NKAIN2: variants seen among roughly 807,000 people sequenced by gnomAD.
NKAIN2 encodes the protein sodium/potassium-transporting ATPase subunit beta-1-interacting protein 2.
A neutral mutation model predicts 32.6 loss-of-function variants in NKAIN2; 14 were observed. The observed-to-expected ratio is 0.43, with a 90% CI of 0.28 to 0.67. NKAIN2 has a LOEUF of 0.67. NKAIN2 is among the 30% of genes least tolerant of loss of function. The probability of loss-of-function intolerance (pLI) is 0.17; values close to 1 mark genes in which losing one functional copy is unlikely to be tolerated. For missense variants in NKAIN2, 198 were observed against 258.3 expected, an observed-to-expected ratio of 0.77 and a Z score of 1.60; for synonymous variants, 80 against 87.2, an observed-to-expected ratio of 0.92 and a Z score of 0.46.
intron 1 of NKAIN2, among the ~76,000 whole-genome samples, chr6:123,826,387 C>A (rs1227036911): frequency 6.6e-6 from 1 of 152,034 alleles, no homozygotes; most frequent in Non-Finnish European, 1.5e-5. Flanking sequence ...ACTATTTTAA[C>A]CATTTTTAAA....
intron 3 of NKAIN2, among the ~76,000 whole-genome samples, chr6:124,409,987 G>T (rs540261972): frequency 3.3e-4 from 51 of 152,272 alleles, no homozygotes; most frequent in African/African-American, 1.2e-3. Context: ...GCATAGAGGT[G>T]TTTATAGTAT....
chr6:124,499,626 C>G (rs918441751), intron 3 of NKAIN2, among the ~76,000 whole-genome samples: 3 of 152,124 alleles, frequency 2.0e-5, no homozygotes, highest in African/African-American at 7.2e-5. Flanking sequence ...TGCATTTTCA[C>G]AAGACTTTGA....
At chr6:124,247,712 T>A (rs908080549) in intron 1 of NKAIN2, among the ~76,000 whole-genome samples, 1 of 152,148 alleles carries the variant, frequency 6.6e-6, no homozygotes, top group African/African-American at 2.4e-5. Context: ...ACATAGAATA[T>A]AAAATTTACA....
At chr6:124,024,493 CAA>C (rs1781014972) in intron 1 of NKAIN2, among the ~76,000 whole-genome samples, 1 of 152,012 alleles carries the variant, frequency 6.6e-6, no homozygotes, top group Non-Finnish European at 1.5e-5. Context: ...GGAAAAATAA[CAA>C]AATGAATATT....
At chr6:123,927,290 G>T (rs2114509642) in intron 1 of NKAIN2, among the ~76,000 whole-genome samples, 1 of 152,246 alleles carries the variant, frequency 6.6e-6, no homozygotes. Context: ...GTAGTCTCAT[G>T]CTTCTAATTA....
chr6:124,156,728 A>G (rs1258996336), intron 1 of NKAIN2, among the ~76,000 whole-genome samples: 1 of 152,136 alleles, frequency 6.6e-6, no homozygotes, highest in East Asian at 1.9e-4. Context: ...ACATCACCCA[A>G]CTGCCTTGTG....
chr6:124,343,241 T>C (rs986103954), intron 2 of NKAIN2, among the ~76,000 whole-genome samples: 9 of 152,116 alleles, frequency 5.9e-5, no homozygotes, highest in African/African-American at 1.9e-4. Context: ...TGTTGGACAT[T>C]TGGGTTGGTT....
chr6:124,310,142 C>T (rs940257817), intron 2 of NKAIN2, among the ~76,000 whole-genome samples: 9 of 151,798 alleles, frequency 5.9e-5, no homozygotes, highest in Non-Finnish European at 1.0e-4. Flanking sequence ...GATCAAACCA[C>T]GAAGAAAAAT....
intron 5 of NKAIN2, among the ~76,000 whole-genome samples, chr6:124,803,863 T>A (rs1201493761): frequency 1.3e-5 from 2 of 152,234 alleles, no homozygotes; most frequent in Non-Finnish European, 2.9e-5. Context: ...ATTCCTTTTG[T>A]ATAAATCCTT....
chr6:123,858,396 G>A (rs144580358), intron 1 of NKAIN2, among the ~76,000 whole-genome samples: 4 of 152,270 alleles, frequency 2.6e-5, no homozygotes, highest in East Asian at 1.9e-4. Flanking sequence ...GATTACAGGC[G>A]TGAGTCACTG....
At chr6:124,292,818 AATTT>A (rs1362170846) in intron 2 of NKAIN2, among the ~76,000 whole-genome samples, 1 of 152,034 alleles carries the variant, frequency 6.6e-6, no homozygotes. Context: ...AGTGTGTTTT[AATTT>A]ATTTTTTTAC....
intron 4 of NKAIN2, among the ~76,000 whole-genome samples, chr6:124,704,523 G>C (rs1774953414): frequency 6.6e-6 from 1 of 151,832 alleles, no homozygotes; most frequent in South Asian, 2.1e-4. Flanking sequence ...AAACATGTTG[G>C]AGAAGAGCAT....
At chr6:123,901,151 T>C (rs1374304979) in intron 1 of NKAIN2, among the ~76,000 whole-genome samples, 1 of 152,186 alleles carries the variant, frequency 6.6e-6, no homozygotes, top group East Asian at 1.9e-4. Context: ...TGAACTATAA[T>C]CTCCATAGAA....
At chr6:124,398,603 T>C (rs1338052825) in intron 3 of NKAIN2, among the ~76,000 whole-genome samples, 1 of 152,152 alleles carries the variant, frequency 6.6e-6, no homozygotes, top group African/African-American at 2.4e-5. Context: ...ACATGTTAAG[T>C]GTATTATGAT....
intron 3 of NKAIN2, among the ~76,000 whole-genome samples, chr6:124,360,585 T>C (rs1799244017): frequency 6.6e-6 from 1 of 152,074 alleles, no homozygotes; most frequent in Non-Finnish European, 1.5e-5. Context: ...TTAATTACAG[T>C]GTCCACAAAA....
intron 4 of NKAIN2, among the ~76,000 whole-genome samples, chr6:124,756,072 C>T (rs1341053536): frequency 2.0e-5 from 3 of 152,000 alleles, no homozygotes; most frequent in Non-Finnish European, 2.9e-5. Flanking sequence ...TGGTATATTA[C>T]CTTAGTTTCC....
At chr6:124,522,676 T>C (rs926656603) in intron 3 of NKAIN2, among the ~76,000 whole-genome samples, 2 of 152,174 alleles carry the variant, frequency 1.3e-5, no homozygotes, top group Non-Finnish European at 2.9e-5. Flanking sequence ...TGAGTTTGCA[T>C]TTCCATAGGA....
At chr6:124,321,983 A>C (rs1797215126) in intron 2 of NKAIN2, among the ~76,000 whole-genome samples, 1 of 152,206 alleles carries the variant, frequency 6.6e-6, no homozygotes, top group Admixed American at 6.5e-5. Context: ...ATATATTTCT[A>C]TAAGTAATTC....
At chr6:124,609,695 C>T (rs1017542761) in intron 3 of NKAIN2, among the ~76,000 whole-genome samples, 8 of 152,060 alleles carry the variant, frequency 5.3e-5, no homozygotes, top group East Asian at 1.9e-4. Context: ...TTTACATGAA[C>T]GCAACATGCC....
Sources: gnomAD v4.1 joint callset for allele counts (sites outside exome capture counted in the v4.1 genomes callset) on GRCh38, gnomAD v4.1.1 for gene constraint, MANE v1.5 for transcripts, NCBI Gene and HGNC (gene_info 2026-07-23, HGNC 2026-07-21) for gene names.